The following CHPT1 variants were observed in gnomAD, a reference collection of about 807,000 sequenced individuals.
CHPT1 encodes choline phosphotransferase 1, also known as cholinephosphotransferase 1.
A neutral mutation model predicts 47.6 loss-of-function variants in CHPT1; 36 were observed. The observed-to-expected ratio is 0.76, with a 90% CI of 0.58 to 1.00. The LOEUF (loss-of-function observed/expected upper bound fraction) is 1.00. Ranked by LOEUF, CHPT1 falls within the 50% of genes least tolerant of loss-of-function variation. The pLI is 0.00. For synonymous variants in CHPT1, 194 were observed against 186.3 expected (o/e 1.04, Z -0.33); for missense variants, 458 against 498.1 (o/e 0.92, Z 0.77).
At chr12:101,718,636 C>T (rs1428433908) in intron 4 of CHPT1, among the ~76,000 whole-genome samples, 3 of 150,124 alleles carry the variant, frequency 2.0e-5, no homozygotes, top group African/African-American at 7.4e-5. Context: ...TACACTCCTG[C>T]CTGAGTGACA....
intron 1 of CHPT1, among the ~76,000 whole-genome samples, chr12:101,707,846 C>T (rs1161744205): frequency 6.6e-6 from 1 of 152,120 alleles, no homozygotes; most frequent in African/African-American, 2.4e-5. Context: ...CCTCTCTCAC[C>T]TCAATCTTTC....
rs116722319 is a variant in CHPT1, at chr12:101,718,687, T to A, written c.649-1436T>A. The stretch of plus-strand genomic sequence containing the variant: ...TTTAAAAAAAAAAAAAAAAAAGATT[T>A]CCCTGTAGCATTTAGTATCAGAATT... On this transcript the variant is annotated intron_variant, in intron 4 of 8. Coordinates refer to ENST00000229266, the MANE Select transcript of CHPT1 (RefSeq NM_020244.3). Among the ~76,000 whole-genome samples, 1,501 of 151,732 alleles carry A rather than the reference T, an allele frequency of 9.9e-3. 28 individuals carry two copies. Among genetic ancestry groups the A allele is most frequent in the African/African-American group, 0.035 (1,435 of 41,396 alleles).
At chr12:101,699,457 G>T (rs10778141) in intron 1 of CHPT1, among the ~76,000 whole-genome samples, 1 of 149,362 alleles carries the variant, frequency 6.7e-6, no homozygotes, top group Non-Finnish European at 1.5e-5. Flanking sequence ...TGGTGATCTC[G>T]GCTCACTGCA....
chr12:101,715,314 AT>A (rs1337501916), intron 3 of CHPT1, among the ~76,000 whole-genome samples: 1 of 152,142 alleles, frequency 6.6e-6, no homozygotes, highest in Non-Finnish European at 1.5e-5. Context: ...TTGGCTTCCC[AT>A]GCCTACTGAT....
chr12:101,714,440 A>G (rs926624460), intron 2 of CHPT1, 64 bp from the exon 3 acceptor site: 2 of 1,395,758 alleles, frequency 1.4e-6, no homozygotes, highest in East Asian at 2.5e-5. Flanking sequence ...TCTAAACAGC[A>G]TAGGGCAATT....
At position 101,697,906 on chromosome 12, in the gene CHPT1, G is replaced by T; in HGVS notation, c.45G>T (p.Arg15Ser). The change falls in exon 1 of 9, where the codon AGG becomes AGT. Residue 15 changes from arginine (R) to serine (S), a missense_variant. Transcript: ENST00000229266. ...CCGGGTCCGCGCCGCGCTGGCTGAG[G>T]GCGCTGAGCGAGCCGCTGAGCGCGG... Reference protein sequence around the residue: ...AGAGSAPRWLRALSEPLSAAQ... With the variant: ...AGAGSAPRWLSALSEPLSAAQ... 7.4e-7 allele frequency: 1 copy of T among 1,359,606 alleles called. No individual in the cohort carries two copies. 84.2% of individuals were successfully genotyped at this position (1,359,606 alleles called of 1,614,324 possible). A position where few individuals can be genotyped will look rare whatever the true frequency, so the allele number is the denominator to read the frequency against.
intron 1 of CHPT1, among the ~76,000 whole-genome samples, chr12:101,713,759 G>A (rs1461053748): frequency 2.0e-5 from 3 of 152,056 alleles, no homozygotes; most frequent in Non-Finnish European, 4.4e-5. Context: ...TTTTTTCACA[G>A]CAAAAATTTA....
At chr12:101,712,583 C>T (rs925620423) in intron 1 of CHPT1, among the ~76,000 whole-genome samples, 2 of 148,436 alleles carry the variant, frequency 1.3e-5, no homozygotes, top group African/African-American at 4.9e-5. Flanking sequence ...ATGCACAGTT[C>T]AATTATTTTT....
At chr12:101,706,083 G>A (rs1284172555) in intron 1 of CHPT1, among the ~76,000 whole-genome samples, 1 of 152,024 alleles carries the variant, frequency 6.6e-6, no homozygotes, top group African/African-American at 2.4e-5. Flanking sequence ...TGGGTGCGGT[G>A]ACTCATGCCT....
intron 8 of CHPT1, chr12:101,727,099 T>C (rs1282918760): frequency 1.3e-5 from 2 of 152,186 alleles, no homozygotes; most frequent in African/African-American, 4.8e-5. Context: ...AAAATTTCAC[T>C]GTCACTGAAA....
intron 8 of CHPT1, chr12:101,727,328 C>G (rs1007412880): frequency 1.3e-5 from 2 of 152,048 alleles, no homozygotes; most frequent in Non-Finnish European, 2.9e-5. Context: ...GGTACTGATA[C>G]TTATCTTTCC....
chr12:101,702,045 C>T (rs1951561272), intron 1 of CHPT1, among the ~76,000 whole-genome samples: 1 of 152,084 alleles, frequency 6.6e-6, no homozygotes, highest in South Asian at 2.1e-4. Flanking sequence ...CCCTGGCCCC[C>T]ATTCCTTGGC....
Position 101,716,819 on chromosome 12 carries a change from C to A in CHPT1, c.648+7C>A, listed in dbSNP as rs1046639237. On this transcript the variant is annotated splice_region_variant and intron_variant, in intron 4 of 8. Transcript: ENST00000229266. Reference sequence around the variant, plus strand: ...AACAATGTGGGACTATACGGTAAATCTGAATATTTAAATTTATATTTAAGT... The same window carrying A: ...AACAATGTGGGACTATACGGTAAATATGAATATTTAAATTTATATTTAAGT... 1.3e-6 allele frequency: 2 copies of A among 1,502,824 alleles called. No homozygotes were observed. The highest frequency in any genetic ancestry group is 1.8e-6 in the Non-Finnish European group (2 of 1,107,900). The allele number at this position is 1,502,824 out of a possible 1,614,324, so 93.1% of individuals were successfully genotyped here.
chr12:101,714,423 CT>C (rs1283997661), intron 2 of CHPT1, 80 bp from the exon 3 acceptor site: 2 of 1,267,204 alleles, frequency 1.6e-6, no homozygotes, highest in African/African-American at 1.5e-5. Flanking sequence ...CCTTAGAGCT[CT>C]GTATTTCTAA....
At chr12:101,715,728 G>GT (rs1305435048) in intron 3 of CHPT1, among the ~76,000 whole-genome samples, 4 of 152,078 alleles carry the variant, frequency 2.6e-5, no homozygotes, top group Non-Finnish European at 5.9e-5. Flanking sequence ...AGATAAAATT[G>GT]TTCATAGACT....
At chr12:101,713,540 A>G (rs1473680699) in intron 1 of CHPT1, among the ~76,000 whole-genome samples, 1 of 152,150 alleles carries the variant, frequency 6.6e-6, no homozygotes, top group Admixed American at 6.6e-5. Context: ...AGTTAGCTGG[A>G]GCAGTCGCAG....
chr12:101,728,708 T>C, intron 8 of CHPT1, 193 bp from the exon 9 acceptor site: 1 of 594,208 alleles, frequency 1.7e-6, no homozygotes, highest in Admixed American at 3.3e-5. Context: ...CTATCATTAC[T>C]AAAGAGCTGA....
chr12:101,724,525 G>A (rs1283641315), intron 7 of CHPT1, among the ~76,000 whole-genome samples: 1 of 152,092 alleles, frequency 6.6e-6, no homozygotes, highest in African/African-American at 2.4e-5. Context: ...TAGCAAAGGT[G>A]GGCACTTTAT....
intron 1 of CHPT1, among the ~76,000 whole-genome samples, chr12:101,701,026 T>G (rs1469469686): frequency 6.6e-6 from 1 of 152,210 alleles, no homozygotes; most frequent in African/African-American, 2.4e-5. Context: ...ACTGAGTGCA[T>G]GAATAATAAC....
Sources: gnomAD v4.1 joint callset for allele counts (sites outside exome capture counted in the v4.1 genomes callset) on GRCh38, gnomAD v4.1.1 for gene constraint, MANE v1.5 for transcripts, NCBI Gene and HGNC (gene_info 2026-07-23, HGNC 2026-07-21) for gene names.